Variants in RYR1 observed in about 807,000 individuals in gnomAD.
RYR1 encodes central core disease of muscle.
RYR1 carries 342 observed loss-of-function variants against 583.5 expected under a neutral mutation model. That is an observed-to-expected ratio of 0.59 (90% CI 0.54 to 0.64). The LOEUF is 0.64. Ranked by LOEUF, RYR1 falls within the 30% of genes least tolerant of loss-of-function variation. The pLI is 0.00. For synonymous variants in RYR1, 2,791 were observed against 2,822.5 expected (o/e 0.99, Z 0.35); for missense variants, 6,032 against 6,917.2 (o/e 0.87, Z 4.54).
At position 38,473,679 on chromosome 19, in the gene RYR1, C is replaced by T. The variant is rs1311129503; in HGVS notation, c.4068C>T (p.Ala1356=). The T allele has an allele frequency of 6.4e-7, 1 of 1,550,828 alleles. No homozygotes were observed. The highest frequency in any genetic ancestry group is 1.4e-5 in the African/African-American group (1 of 73,214). ...NGKEGTAKEG[A]PGGTPQAGGE... is the part of the protein sequence containing the mutation. ...AAGAAGGGACTGCGAAGGAGGGCGCCCCCGGGGGCACCCCGCAGGCGGGGG... is the reference window on the plus strand; with the variant it reads ...AAGAAGGGACTGCGAAGGAGGGCGCTCCCGGGGGCACCCCGCAGGCGGGGG... Residue 1356 remains alanine, a synonymous_variant, in exon 28 of 106, where the codon GCC becomes GCT. Coordinates refer to ENST00000359596, the MANE Select transcript of RYR1 (RefSeq NM_000540.3).
At chr19:38,522,253 T>C (rs1272778861) in intron 67 of RYR1, among the ~76,000 whole-genome samples, 1 of 152,182 alleles carries the variant, frequency 6.6e-6, no homozygotes, top group African/African-American at 2.4e-5. Flanking sequence ...ATGTATTGCA[T>C]GCATGTATTA....
At chr19:38,471,120 A>T (rs1968398471) in intron 27 of RYR1, among the ~76,000 whole-genome samples, 3 of 152,260 alleles carry the variant, frequency 2.0e-5, no homozygotes, top group Admixed American at 6.5e-5. Context: ...GGCAGAGCGG[A>T]TCTGTGGTGT....
intron 47 of RYR1, 112 bp from the exon 48 acceptor site, chr19:38,502,395 T>G: frequency 1.0e-6 from 1 of 998,922 alleles, no homozygotes; most frequent in Non-Finnish European, 1.5e-6. Flanking sequence ...GAGGAGCAGG[T>G]TTTGGGGGAG....
At position 38,536,760 on chromosome 19, in the gene RYR1, C is replaced by T. The variant is rs1172859170; in HGVS notation, c.11601C>T (p.Arg3867=). ...MVNEDGTVIN[R]QNGEKVMADD... ...TGTTGGCTGCCCCAGTCATCAATCG[C>T]CAGAACGGTAATTCCCCCAGCCCAC... Residue 3867 remains arginine (R), a synonymous_variant, in exon 83 of 106, where the codon CGC becomes CGT. Transcript: ENST00000359596. The T allele has an allele frequency of 4.3e-6, 7 of 1,613,850 alleles. No homozygotes were observed. Among genetic ancestry groups the T allele is most frequent in the South Asian group, 2.2e-5 (2 of 91,064 alleles).
Position 38,507,802 on chromosome 19 carries a change from T to C in RYR1, c.8907T>C (p.Ile2969=), listed in dbSNP as rs755524188. Residue 2969 remains isoleucine, a synonymous_variant, in exon 58 of 106, where the codon ATT becomes ATC. Transcript: ENST00000359596. ...AGCAGCTGCTGCGCTGGATGGACATTTCTCAGGAGTTCATTGCCCACCTGG... is the reference window on the plus strand; with the variant it reads ...AGCAGCTGCTGCGCTGGATGGACATCTCTCAGGAGTTCATTGCCCACCTGG... ...FLQQLLRWMD[I]SQEFIAHLEA... 1 of 1,613,054 alleles carries C rather than the reference T, an allele frequency of 6.2e-7. No individual in the cohort carries two copies. Among genetic ancestry groups the C allele is most frequent in the East Asian group, 2.2e-5 (1 of 44,872 alleles).
intron 74 of RYR1, 79 bp from the exon 75 acceptor site, chr19:38,528,520 T>C (rs1016875481): frequency 2.0e-5 from 32 of 1,594,332 alleles, no homozygotes; most frequent in African/African-American, 5.4e-5. Context: ...TTGAGGGTGG[T>C]TGGGGGCTGC....
At chr19:38,553,335 A>C (rs908478036) in intron 89 of RYR1, among the ~76,000 whole-genome samples, 9 of 115,948 alleles carry the variant, frequency 7.8e-5, no homozygotes, top group African/African-American at 2.6e-4. Flanking sequence ...ACTCCATATC[A>C]AAAAAAAAAA....
chr19:38,445,236 A>T (rs1315469179), intron 7 of RYR1, among the ~76,000 whole-genome samples: 2 of 151,040 alleles, frequency 1.3e-5, no homozygotes, highest in South Asian at 4.2e-4. Flanking sequence ...AAAAAAAAAA[A>T]AAAAAAAAAA....
intron 24 of RYR1, 80 bp downstream of exon 24, chr19:38,466,478 C>T: frequency 8.3e-7 from 1 of 1,204,426 alleles, no homozygotes. Flanking sequence ...TCTGACCTGA[C>T]TCAGCCCCCA....
chr19:38,524,060 C>T, intron 70 of RYR1, 131 bp downstream of exon 70: 2 of 1,006,964 alleles, frequency 2.0e-6, no homozygotes, highest in Non-Finnish European at 3.0e-6. Flanking sequence ...CCAGCCCCCA[C>T]CCATCCTCCT....
chr19:38,494,284 T>C, intron 38 of RYR1, 68 bp from the exon 39 acceptor site: 1 of 1,598,996 alleles, frequency 6.3e-7, no homozygotes. Context: ...CACATTGTTC[T>C]GGTCCAAGGC....
At chr19:38,494,303 C>T in intron 38 of RYR1, 49 bp from the exon 39 acceptor site, 1 of 1,609,304 alleles carries the variant, frequency 6.2e-7, no homozygotes. Context: ...GCCCCATGTG[C>T]CGACCTGCCC....
At chr19:38,579,581 A>C (rs1599663144) in intron 99 of RYR1, among the ~76,000 whole-genome samples, 1 of 145,232 alleles carries the variant, frequency 6.9e-6, no homozygotes, top group Admixed American at 7.0e-5. Context: ...CAAGTGTGAA[A>C]CTCCATCTCA....
rs1420966056 is a variant in RYR1 at position 38,466,105 on chromosome 19, A to G, written c.2885A>G (p.Asn962Ser). ...CATGCCCGCAGGTATATGATGAGCA[A>G]TGGGTACAAGCCGGCTCCGCTGGAC... ...TKLPKTYMMS[N>S]GYKPAPLDLS... is the part of the protein sequence containing the mutation. Residue 962 changes from asparagine to serine, a missense_variant, in exon 24 of 106, where the codon AAT (asparagine) becomes AGT (serine). Asn to Ser is a conservative substitution (Grantham distance 46). Around this residue, in one of 11 missense-constraint regions of RYR1, gnomAD observed 2,627 missense variants for 2,961.3 expected, o/e 0.89. Coordinates refer to ENST00000359596, the MANE Select transcript of RYR1 (RefSeq NM_000540.3). 2.5e-6 allele frequency: 4 copies of G among 1,611,160 alleles called. No homozygotes were observed. Among genetic ancestry groups the G allele is most frequent in the African/African-American group, 2.7e-5 (2 of 74,982 alleles).
chr19:38,465,809 G>A (rs1029866166), intron 23 of RYR1, among the ~76,000 whole-genome samples: 1 of 152,106 alleles, frequency 6.6e-6, no homozygotes, highest in Non-Finnish European at 1.5e-5. Context: ...TTAGTGGTGA[G>A]AGGTCTGAGA....
chr19:38,567,876 G>A lies in RYR1; in HGVS notation c.13618G>A (p.Glu4540Lys), dbSNP rs558317880. The change falls in exon 93 of 106, where the codon GAA becomes AAA. Residue 4540 changes from glutamate to lysine, a missense_variant. By Grantham distance (56) the Glu-to-Lys change is moderately conservative. Transcript: ENST00000359596. ...TCCAAAGAAGGAGGAAGCTGGAGGC[G>A]AATTCTGGGGAGAACTGGAGGTGCA... ...PPPKKEEAGG[E>K]FWGELEVQRV... 3.7e-6 allele frequency: 6 copies of A among 1,613,942 alleles called. No homozygotes were observed. The highest frequency in any genetic ancestry group is 1.3e-5 in the African/African-American group (1 of 75,018).
intron 38 of RYR1, among the ~76,000 whole-genome samples, chr19:38,493,384 T>C (rs1969643932): frequency 6.6e-6 from 1 of 152,140 alleles, no homozygotes; most frequent in Non-Finnish European, 1.5e-5. Flanking sequence ...ACAGGTTTTA[T>C]CCCACAACAT....
At chr19:38,501,566 A>C (rs1568503945) in intron 47 of RYR1, among the ~76,000 whole-genome samples, 1 of 152,238 alleles carries the variant, frequency 6.6e-6, no homozygotes. Context: ...AGGAACAGCA[A>C]TAACAGAAGG....
intron 87 of RYR1, among the ~76,000 whole-genome samples, chr19:38,545,215 G>A (rs910927886): frequency 1.3e-5 from 2 of 152,190 alleles, no homozygotes; most frequent in Non-Finnish European, 2.9e-5. Context: ...AGGAGGTAGG[G>A]TTAGCCCCAT....
Sources: allele counts gnomAD v4.1 joint callset (sites outside exome capture counted in the v4.1 genomes callset), GRCh38; gene constraint gnomAD v4.1.1; regional missense constraint gnomAD v4.1.1; transcripts MANE v1.5; gene names NCBI Gene and HGNC (gene_info 2026-07-23, HGNC 2026-07-21).